The following PFKP variants were observed in gnomAD, a reference collection of about 807,000 sequenced individuals.
PFKP encodes the protein phosphofructokinase, platelet, also known as ATP-dependent 6-phosphofructokinase, platelet type.
PFKP carries 101 observed loss-of-function variants against 94.3 expected under a neutral mutation model. That is an observed-to-expected ratio of 1.07 (90% CI 0.91 to 1.26). The LOEUF (loss-of-function observed/expected upper bound fraction) is 1.26. Among genes scored for constraint, PFKP ranks in the 50% most tolerant of loss-of-function variants. The pLI, the probability that PFKP is intolerant of heterozygous loss-of-function variation, is 0.00. For missense variants in PFKP, 1,145 were observed against 1,103.3 expected, an observed-to-expected ratio of 1.04 and a Z score of -0.53; for synonymous variants, 573 against 432.6, an observed-to-expected ratio of 1.32 and a Z score of -4.03.
intron 17 of PFKP, among the ~76,000 whole-genome samples, chr10:3,131,563 TCTC>T (rs1208038020): frequency 2.0e-5 from 3 of 152,152 alleles, no homozygotes; most frequent in Non-Finnish European, 2.9e-5. Context: ...TTTAAGCAAT[TCTC>T]CTGCCTCAGC....
Position 3,107,305 on chromosome 10 carries a change from A to C in PFKP, c.866A>C (p.Lys289Thr). Residue 289 changes from lysine to threonine, a missense_variant, in exon 8 of 22, where the codon AAA becomes ACA. Coordinates refer to ENST00000381125, the MANE Select transcript of PFKP (RefSeq NM_002627.5). ...AAACCCATCACCTCTGAGAAAATCAAAGAGGTGAGTGTGTGTAGCTGCTCA... is the reference window on the plus strand; with the variant it reads ...AAACCCATCACCTCTGAGAAAATCACAGAGGTGAGTGTGTGTAGCTGCTCA... ...QNKPITSEKI[K>T]ELVVTQLGYD... 1 of 1,582,836 alleles carries C rather than the reference A, an allele frequency of 6.3e-7. No homozygotes were observed. Among genetic ancestry groups the C allele is most frequent in the Non-Finnish European group, 8.7e-7 (1 of 1,152,008 alleles).
chr10:3,068,651 G>A (rs1293235077), intron 1 of PFKP: 1 of 985,048 alleles, frequency 1.0e-6, no homozygotes, highest in Non-Finnish European at 1.2e-6. Flanking sequence ...AGCGGAAGGT[G>A]GCGGAGACTC....
chr10:3,119,684 A>T (rs1837202294), intron 15 of PFKP, among the ~76,000 whole-genome samples: 1 of 152,226 alleles, frequency 6.6e-6, no homozygotes, highest in Non-Finnish European at 1.5e-5. Flanking sequence ...CTAACCGATC[A>T]TGTCTGTCCT....
intron 2 of PFKP, among the ~76,000 whole-genome samples, chr10:3,090,458 C>G (rs1194666803): frequency 6.6e-6 from 1 of 152,208 alleles, no homozygotes; most frequent in Non-Finnish European, 1.5e-5. Flanking sequence ...ATGAGACGCG[C>G]ATGCCTTTGA....
intron 15 of PFKP, among the ~76,000 whole-genome samples, chr10:3,119,372 G>A (rs1184943874): frequency 3.3e-5 from 5 of 152,278 alleles, no homozygotes; most frequent in South Asian, 4.1e-4. Flanking sequence ...TTGGGAGGCC[G>A]AGGCGGGCAG....
At chr10:3,109,332 A>G (rs1564314807) in intron 9 of PFKP, 23 bp from the exon 10 acceptor site, 1 of 1,606,926 alleles carries the variant, frequency 6.2e-7, no homozygotes, top group Admixed American at 1.7e-5. Flanking sequence ...GCTGCCCCTG[A>G]CCCACATGGA....
At chr10:3,073,826 T>G (rs76677531) in intron 1 of PFKP, among the ~76,000 whole-genome samples, 1 of 148,434 alleles carries the variant, frequency 6.7e-6, no homozygotes, top group Non-Finnish European at 1.5e-5. Context: ...TGTGTGTGTG[T>G]TTTTTTTGTT....
At chr10:3,107,891 G>C (rs1232074821) in intron 8 of PFKP, 47 of 1,289,286 alleles carry the variant, frequency 3.6e-5, no homozygotes, top group Non-Finnish European at 4.7e-5. Context: ...CCCTGCTGTA[G>C]ACGGGGCTGC....
At position 3,129,994 on chromosome 10, in the gene PFKP, G is replaced by A; in HGVS notation, c.1848+11G>A. ...ATCAGGGATCTGCAGGTATGTGACGGGGCTGGCCTCAGGGCCCGTCCCCTT... is the reference window on the plus strand; with the variant it reads ...ATCAGGGATCTGCAGGTATGTGACGAGGCTGGCCTCAGGGCCCGTCCCCTT... On this transcript the variant is annotated intron_variant, in intron 17 of 21. Coordinates refer to ENST00000381125, the MANE Select transcript of PFKP (RefSeq NM_002627.5). 6.4e-7 allele frequency: 1 copy of A among 1,561,202 alleles called. No individual in the cohort carries two copies. Among genetic ancestry groups the A allele is most frequent in the Non-Finnish European group, 8.7e-7 (1 of 1,150,124 alleles).
In PFKP at chr10:3,118,713, G is replaced by A. The variant is rs369144903; in HGVS notation, c.1443-69G>A. ...TGGGGAAGGCGGCCGGGTGGGGACC[G>A]GCGTGGCGTCCTGCGGACCGCGTGG... On this transcript the variant is annotated intron_variant, in intron 14 of 21. Coordinates refer to ENST00000381125, the MANE Select transcript of PFKP (RefSeq NM_002627.5). 1,456 of 1,101,474 alleles carry A rather than the reference G, an allele frequency of 1.3e-3. 16 individuals carry two copies. The South Asian group carries it at 0.018, about 13-fold the overall frequency. The allele number at this position is 1,101,474 out of a possible 1,614,324, so 68.2% of individuals were successfully genotyped here.
intron 19 of PFKP, 120 bp from the exon 20 acceptor site, chr10:3,134,363 T>A (rs1218914814): frequency 2.6e-5 from 18 of 690,182 alleles, no homozygotes; most frequent in Non-Finnish European, 3.8e-5. Context: ...TTTGTTCTGT[T>A]CCAACTATAA....
At chr10:3,135,944 C>T in intron 21 of PFKP, 106 bp downstream of exon 21, 2 of 707,050 alleles carry the variant, frequency 2.8e-6, no homozygotes, top group Non-Finnish European at 5.0e-6. Context: ...GTTTGAGGAA[C>T]TGGCTTTTCT....
chr10:3,093,882 AT>A (rs1395941865), intron 2 of PFKP, among the ~76,000 whole-genome samples: 11 of 152,036 alleles, frequency 7.2e-5, no homozygotes, highest in Admixed American at 5.9e-4. Context: ...TGACCTTGTG[AT>A]CCGCCCGCCT....
At chr10:3,118,911 C>A in intron 15 of PFKP, 42 bp downstream of exon 15, 2 of 1,473,046 alleles carry the variant, frequency 1.4e-6, no homozygotes, top group Non-Finnish European at 9.5e-7. Flanking sequence ...CAGGTGTGAG[C>A]CGCGCCCTGT....
chr10:3,109,464 T>G lies in PFKP; in HGVS notation c.1073T>G (p.Met358Arg). 6.2e-7 allele frequency: 1 copy of G among 1,605,576 alleles called. No individual in the cohort carries two copies. The highest frequency in any genetic ancestry group is 8.5e-7 in the Non-Finnish European group (1 of 1,179,810). ...NGNHAVRLPLMECVQMTQDVQ... is the reference protein window; with the variant it reads ...NGNHAVRLPLRECVQMTQDVQ... ...AACCACGCCGTGCGCCTGCCGCTGA[T>G]GGAGTGCGTGCAGATGGTGAGTGGG... Residue 358 changes from methionine to arginine, a missense_variant, in exon 10 of 22, where the codon ATG (methionine) becomes AGG (arginine). Coordinates refer to ENST00000381125, the MANE Select transcript of PFKP (RefSeq NM_002627.5).
At chr10:3,098,542 G>A (rs7896897) in intron 2 of PFKP, among the ~76,000 whole-genome samples, 46,714 of 151,556 alleles carry the variant, frequency 0.31, 7,529 homozygotes, top group Middle Eastern at 0.36. Flanking sequence ...AGGTGCAGTG[G>A]CAGGCACCTG....
At chr10:3,135,636 G>A (rs1037941122) in intron 20 of PFKP, 100 bp from the exon 21 acceptor site, 13 of 726,570 alleles carry the variant, frequency 1.8e-5, no homozygotes, top group Non-Finnish European at 2.6e-5. Flanking sequence ...GGTTCAGCAT[G>A]GTTCTGAGGA....
At position 3,132,645 on chromosome 10, in the gene PFKP, GTC is replaced by G. The variant is rs558259185; in HGVS notation, c.1910+208_1910+209del. ...AGACAACTAATATTTTTGCTTTATA[GTC>G]TCTTATTCTTTGATATCTTGCAATC... On this transcript the variant is annotated intron_variant, in intron 18 of 21. Transcript: ENST00000381125. 9.3e-4 allele frequency among the ~76,000 whole-genome samples: 141 copies of G among 152,298 alleles called. 1 individual carries two copies. The highest frequency in any genetic ancestry group is 3.4e-3 in the Middle Eastern group (1 of 292).
intron 2 of PFKP, among the ~76,000 whole-genome samples, chr10:3,092,434 G>C (rs1027175867): frequency 2.0e-5 from 3 of 152,106 alleles, no homozygotes; most frequent in African/African-American, 7.2e-5. Context: ...CATATGCTTA[G>C]ATAGGAGTAG....
Sources: allele counts gnomAD v4.1 joint callset (sites outside exome capture counted in the v4.1 genomes callset), GRCh38; gene constraint gnomAD v4.1.1; transcripts MANE v1.5; gene names NCBI Gene and HGNC (gene_info 2026-07-23, HGNC 2026-07-21).